DCC: variants seen among roughly 807,000 people sequenced by gnomAD.
The protein encoded by DCC is netrin receptor DCC.
DCC carries 58 observed loss-of-function variants against 172.5 expected under a neutral mutation model. That is an observed-to-expected ratio of 0.34 (90% CI 0.27 to 0.42). DCC has a LOEUF of 0.42. Ranked by LOEUF, DCC falls within the 10% of genes least tolerant of loss-of-function variation. DCC has a pLI of 1.00. For synonymous variants in DCC, 709 were observed against 644.5 expected, an observed-to-expected ratio of 1.10 and a Z score of -1.52; for missense variants, 1,740 against 1,791.0, an observed-to-expected ratio of 0.97 and a Z score of 0.51.
chr18:53,328,639 A>C (rs1244789783), intron 14 of DCC, among the ~76,000 whole-genome samples: 2 of 152,016 alleles, frequency 1.3e-5, no homozygotes, highest in Non-Finnish European at 2.9e-5. Flanking sequence ...GGTTCAAGTG[A>C]TTCTCCTGCC....
intron 1 of DCC, among the ~76,000 whole-genome samples, chr18:52,596,676 T>C (rs2033916391): frequency 6.6e-6 from 1 of 152,226 alleles, no homozygotes; most frequent in African/African-American, 2.4e-5. Flanking sequence ...AGAATAGAAC[T>C]ATTTGGTGAC....
intron 12 of DCC, among the ~76,000 whole-genome samples, chr18:53,231,080 A>G (rs1457423559): frequency 6.6e-6 from 1 of 151,970 alleles, no homozygotes; most frequent in African/African-American, 2.4e-5. Flanking sequence ...AGATGTCAAG[A>G]AGTTTCCTAT....
chr18:52,923,813 A>C lies in DCC; in HGVS notation c.804A>C (p.Pro268=). Residue 268 remains proline (P), a synonymous_variant, in exon 4 of 29, where the codon CCA becomes CCC. Transcript: ENST00000442544. ...VLECCVSGYP[P]PSFTWLRGEE... is the part of the protein sequence containing the mutation. Reference sequence around the variant, plus strand: ...AATGTTGTGTTTCTGGCTATCCTCCACCAAGTTTTACCTGGTTACGAGGCG... The same window carrying C: ...AATGTTGTGTTTCTGGCTATCCTCCCCCAAGTTTTACCTGGTTACGAGGCG... 1.2e-6 allele frequency: 2 copies of C among 1,613,432 alleles called. No homozygotes were observed. Among genetic ancestry groups the C allele is most frequent in the Non-Finnish European group, 1.7e-6 (2 of 1,179,580 alleles).
intron 8 of DCC, among the ~76,000 whole-genome samples, chr18:53,173,641 T>G (rs9989538): frequency 0.04 from 6,056 of 152,014 alleles, 382 homozygotes; most frequent in African/African-American, 0.13. Flanking sequence ...ATCCTAAATA[T>G]ATATGCACCC....
chr18:52,351,782 C>T (rs980593408), intron 1 of DCC, among the ~76,000 whole-genome samples: 1 of 152,150 alleles, frequency 6.6e-6, no homozygotes, highest in Non-Finnish European at 1.5e-5. Context: ...TGATCCTTTT[C>T]TATGCATTTT....
chr18:53,394,672 A>G (rs1908800363), intron 17 of DCC, among the ~76,000 whole-genome samples: 1 of 152,112 alleles, frequency 6.6e-6, no homozygotes, highest in Admixed American at 6.6e-5. Context: ...CAATGGGAGG[A>G]GCATATAACA....
In DCC at chr18:52,644,105, G is replaced by T. The variant is rs115153709; in HGVS notation, c.92-107949G>T. ...TTGTGTGTTTCCCAGGAAGCCATTT[G>T]CTCAAGGATTTATTAGGATTTACTG... On this transcript the variant is annotated intron_variant, in intron 1 of 28. Coordinates refer to ENST00000442544, the MANE Select transcript of DCC (RefSeq NM_005215.4). 6.7e-3 allele frequency among the ~76,000 whole-genome samples: 1,020 copies of T among 152,262 alleles called. 13 individuals are homozygous for T. Among genetic ancestry groups the T allele is most frequent in the African/African-American group, 0.023 (962 of 41,548 alleles).
chr18:53,017,071 TTTTC>T (rs2041816939), intron 5 of DCC, among the ~76,000 whole-genome samples: 1 of 150,270 alleles, frequency 6.7e-6, no homozygotes, highest in African/African-American at 2.4e-5. Context: ...TTTTTTTTCT[TTTTC>T]TTTTCTTTTT....
rs374404233 is a variant in DCC, at chr18:53,063,307, C to A, written c.988C>A (p.Pro330Thr). The change falls in exon 6 of 29, where the codon CCG (proline) becomes ACG (threonine). Residue 330 changes from proline (P) to threonine (T), a missense_variant and splice_region_variant. Coordinates refer to ENST00000442544, the MANE Select transcript of DCC (RefSeq NM_005215.4). ...SASAELTVLV[P>T]PWFLNHPSNL... ...CTTTTTTTTTTCTGTCTTTGCAGTT[C>A]CGCCATGGTTTTTAAATCATCCTTC... 1.2e-6 allele frequency: 2 copies of A among 1,612,454 alleles called. No homozygotes were observed. The highest frequency in any genetic ancestry group is 1.7e-5 in the Admixed American group (1 of 59,910).
chr18:53,066,999 T>C (rs2042580718), intron 7 of DCC, among the ~76,000 whole-genome samples: 1 of 152,058 alleles, frequency 6.6e-6, no homozygotes, highest in South Asian at 2.1e-4. Flanking sequence ...TCAGTCACTA[T>C]CAGGAGAACA....
intron 9 of DCC, among the ~76,000 whole-genome samples, chr18:53,190,514 A>C (rs2055351012): frequency 6.6e-6 from 1 of 151,488 alleles, no homozygotes; most frequent in Admixed American, 6.6e-5. Context: ...ACACAAACTA[A>C]GATTAGCCAT....
chr18:52,504,909 A>T (rs1360406445), intron 1 of DCC, among the ~76,000 whole-genome samples: 1 of 152,194 alleles, frequency 6.6e-6, no homozygotes, highest in Non-Finnish European at 1.5e-5. Flanking sequence ...CTTGACATAC[A>T]GTGAGCACCC....
chr18:52,698,856 A>C (rs1443233583), intron 1 of DCC, among the ~76,000 whole-genome samples: 4 of 146,342 alleles, frequency 2.7e-5, no homozygotes, highest in Non-Finnish European at 6.0e-5. Context: ...TGATCCACCC[A>C]CCTTGGCCTC....
chr18:52,441,793 TA>T (rs1436506593), intron 1 of DCC, among the ~76,000 whole-genome samples: 1 of 152,156 alleles, frequency 6.6e-6, no homozygotes, highest in Non-Finnish European at 1.5e-5. Flanking sequence ...AAAGGAAAAT[TA>T]AATGTATTAT....
chr18:53,161,173 G>A (rs964954943), intron 8 of DCC, among the ~76,000 whole-genome samples: 7 of 152,122 alleles, frequency 4.6e-5, no homozygotes, highest in Admixed American at 3.9e-4. Flanking sequence ...TCACTCCAAT[G>A]TCTTACATCA....
intron 2 of DCC, among the ~76,000 whole-genome samples, chr18:52,840,025 G>T (rs551238505): frequency 6.6e-6 from 1 of 152,226 alleles, no homozygotes; most frequent in South Asian, 2.1e-4. Flanking sequence ...TATACGCAAG[G>T]TTTCTCGTTC....
At chr18:52,855,317 T>C (rs1305596868) in intron 2 of DCC, among the ~76,000 whole-genome samples, 1 of 152,232 alleles carries the variant, frequency 6.6e-6, no homozygotes, top group Non-Finnish European at 1.5e-5. Context: ...AGACTTAGGG[T>C]AAAAGAGTAG....
intron 9 of DCC, among the ~76,000 whole-genome samples, chr18:53,202,578 T>C (rs959055695): frequency 6.6e-6 from 1 of 152,194 alleles, no homozygotes; most frequent in Admixed American, 6.6e-5. Flanking sequence ...GCTAAATCTA[T>C]GGGAAATGTT....
intron 3 of DCC, among the ~76,000 whole-genome samples, chr18:52,923,372 A>G (rs2040153658): frequency 2.0e-5 from 3 of 152,156 alleles, no homozygotes; most frequent in Admixed American, 6.6e-5. Context: ...GAACATATCA[A>G]TAAGTTTTGG....
Sources: allele counts gnomAD v4.1 joint callset (sites outside exome capture counted in the v4.1 genomes callset), GRCh38; gene constraint gnomAD v4.1.1; transcripts MANE v1.5; gene names NCBI Gene and HGNC (gene_info 2026-07-23, HGNC 2026-07-21).